Variants in ARHGEF3 observed in about 807,000 individuals in gnomAD.
The protein encoded by ARHGEF3 is 59.8 kDA protein.
Under a neutral mutation model 63.2 loss-of-function variants are expected in ARHGEF3, and 28 were observed. The observed-to-expected ratio is 0.44, with a 90% CI of 0.33 to 0.61. The LOEUF (loss-of-function observed/expected upper bound fraction) is 0.61. Ranked by LOEUF, ARHGEF3 falls within the 20% of genes least tolerant of loss-of-function variation. ARHGEF3 has a pLI of 0.03. For missense variants in ARHGEF3, 533 were observed against 659.3 expected (o/e 0.81, Z 2.10); for synonymous variants, 266 against 254.2 (o/e 1.05, Z -0.44).
intron 4 of ARHGEF3, among the ~76,000 whole-genome samples, chr3:56,866,169 CACAAA>C (rs1184875454): frequency 1.3e-5 from 2 of 151,984 alleles, no homozygotes; most frequent in Non-Finnish European, 2.9e-5. Flanking sequence ...TGTCTCAAAA[CACAAA>C]ACAAAACAAA....
intron 3 of ARHGEF3, among the ~76,000 whole-genome samples, chr3:56,919,913 T>C (rs1476360689): frequency 6.6e-6 from 1 of 152,234 alleles, no homozygotes; most frequent in East Asian, 1.9e-4. Flanking sequence ...TCAGAGCTCC[T>C]GCTACAAGCA....
upstream of ARHGEF3, among the ~76,000 whole-genome samples, chr3:56,802,455 G>A (rs2037707126): frequency 6.6e-6 from 1 of 152,174 alleles, no homozygotes; most frequent in South Asian, 2.1e-4. Context: ...ATGAATGTCA[G>A]TGGAATATAA....
chr3:56,863,770 A>G (rs1348503793), intron 4 of ARHGEF3, among the ~76,000 whole-genome samples: 3 of 152,164 alleles, frequency 2.0e-5, no homozygotes, highest in Non-Finnish European at 4.4e-5. Context: ...TGAAAAACCG[A>G]TAGCACTCAA....
intron 3 of ARHGEF3, among the ~76,000 whole-genome samples, chr3:56,921,978 T>C (rs1212057465): frequency 6.6e-6 from 1 of 152,222 alleles, no homozygotes; most frequent in Admixed American, 6.5e-5. Flanking sequence ...GCCTGAGCTC[T>C]GTCTTTATTC....
At chr3:56,938,293 C>T (rs941457516) in intron 3 of ARHGEF3, among the ~76,000 whole-genome samples, 2 of 152,126 alleles carry the variant, frequency 1.3e-5, no homozygotes, top group Non-Finnish European at 2.9e-5. Context: ...TTAATCTTCA[C>T]ACTTATATAG....
At chr3:56,767,740 GTATT>G (rs564485330) in intron 2 of ARHGEF3, among the ~76,000 whole-genome samples, 4 of 151,432 alleles carry the variant, frequency 2.6e-5, no homozygotes, top group Non-Finnish European at 4.4e-5. Flanking sequence ...ATATTTTTCA[GTATT>G]TATTTATTTA....
chr3:56,948,657 A>T (rs937648693), intron 3 of ARHGEF3, among the ~76,000 whole-genome samples: 1 of 152,330 alleles, frequency 6.6e-6, no homozygotes, highest in African/African-American at 2.4e-5. Flanking sequence ...AACCAAAAAA[A>T]GTCCAGGACC....
At chr3:56,811,702 C>T (rs183523105) in intron 4 of ARHGEF3, among the ~76,000 whole-genome samples, 1 of 152,146 alleles carries the variant, frequency 6.6e-6, no homozygotes, top group East Asian at 1.9e-4. Flanking sequence ...TCGCATGTGC[C>T]CACAATTCTG....
intron 2 of ARHGEF3, among the ~76,000 whole-genome samples, chr3:57,013,170 G>A (rs772457275): frequency 2.0e-5 from 3 of 152,210 alleles, no homozygotes; most frequent in Admixed American, 6.5e-5. Context: ...GGGCTCCTGT[G>A]TCGCCAGAGC....
At chr3:56,909,767 T>G (rs2041806736) in intron 3 of ARHGEF3, among the ~76,000 whole-genome samples, 2 of 152,148 alleles carry the variant, frequency 1.3e-5, no homozygotes, top group Admixed American at 1.3e-4. Flanking sequence ...ACATGCAGAG[T>G]GCTTCACACA....
chr3:56,744,729 G>T (rs906284057), intron 7 of ARHGEF3, among the ~76,000 whole-genome samples: 1 of 152,112 alleles, frequency 6.6e-6, no homozygotes, highest in African/African-American at 2.4e-5. Flanking sequence ...CATTTGCTGA[G>T]TGAGGATCCC....
intron 8 of ARHGEF3, among the ~76,000 whole-genome samples, chr3:56,733,045 A>T (rs957183163): frequency 6.6e-6 from 1 of 152,102 alleles, no homozygotes; most frequent in African/African-American, 2.4e-5. Context: ...GCACTTTGGG[A>T]GGCTGAGGCG....
At chr3:57,059,888 C>T (rs1011342693) in intron 1 of ARHGEF3, among the ~76,000 whole-genome samples, 6 of 152,022 alleles carry the variant, frequency 3.9e-5, no homozygotes, top group Non-Finnish European at 7.4e-5. Flanking sequence ...CCCAGCTACT[C>T]GGGAGGCTGA....
chr3:56,964,989 A>C (rs1269720104), intron 2 of ARHGEF3, among the ~76,000 whole-genome samples: 1 of 152,254 alleles, frequency 6.6e-6, no homozygotes, highest in Non-Finnish European at 1.5e-5. Context: ...AGCAATTAAA[A>C]TTTAAAGCTT....
chr3:56,926,531 A>T (rs1432801840), intron 3 of ARHGEF3, among the ~76,000 whole-genome samples: 1 of 152,256 alleles, frequency 6.6e-6, no homozygotes, highest in Non-Finnish European at 1.5e-5. Flanking sequence ...GAATTGTAAT[A>T]ACAAGAAGTT....
At chr3:57,052,130 C>A (rs1704700544) in intron 1 of ARHGEF3, among the ~76,000 whole-genome samples, 1 of 152,164 alleles carries the variant, frequency 6.6e-6, no homozygotes, top group South Asian at 2.1e-4. Flanking sequence ...AGATTTATCC[C>A]TAATTTATTC....
intron 1 of ARHGEF3, among the ~76,000 whole-genome samples, chr3:56,776,433 C>T (rs1034500006): frequency 1.3e-5 from 2 of 152,140 alleles, no homozygotes; most frequent in African/African-American, 4.8e-5. Context: ...TGCTATGATC[C>T]AGCAATGTAA....
intron 3 of ARHGEF3, among the ~76,000 whole-genome samples, chr3:56,949,201 C>A (rs1391609582): frequency 1.3e-5 from 2 of 151,936 alleles, no homozygotes; most frequent in Admixed American, 1.3e-4. Context: ...TGGAAGCATT[C>A]CCTTTGAAAA....
At chr3:56,829,603 A>G (rs1427418639) in intron 4 of ARHGEF3, among the ~76,000 whole-genome samples, 1 of 152,176 alleles carries the variant, frequency 6.6e-6, no homozygotes, top group Non-Finnish European at 1.5e-5. Context: ...GCCAACCCCC[A>G]CAGACAGAGC....
Sources: allele counts gnomAD v4.1 joint callset (sites outside exome capture counted in the v4.1 genomes callset), GRCh38; gene constraint gnomAD v4.1.1; transcripts MANE v1.5; gene names NCBI Gene and HGNC (gene_info 2026-07-23, HGNC 2026-07-21).